TMEM132D: variants seen among roughly 807,000 people sequenced by gnomAD.
The protein encoded by TMEM132D is transmembrane protein 132D, also known as mature OL transmembrane protein.
A neutral mutation model predicts 62.3 loss-of-function variants in TMEM132D; 21 were observed. The ratio of observed to expected loss-of-function variants is 0.34; its 90% confidence interval spans 0.24 to 0.49. TMEM132D has a LOEUF of 0.49. TMEM132D is among the 20% of genes least tolerant of loss of function. The pLI is 0.99. For synonymous variants in TMEM132D, 621 were observed against 575.6 expected, an observed-to-expected ratio of 1.08 and a Z score of -1.13; for missense variants, 1,346 against 1,402.8, an observed-to-expected ratio of 0.96 and a Z score of 0.65.
intron 2 of TMEM132D, among the ~76,000 whole-genome samples, chr12:129,658,996 G>A (rs780745442): frequency 1.3e-4 from 20 of 152,138 alleles, no homozygotes; most frequent in Admixed American, 7.9e-4. Flanking sequence ...CAACTCCCGG[G>A]ATCAAGGGAT....
intron 1 of TMEM132D, among the ~76,000 whole-genome samples, chr12:129,727,790 G>C (rs1869090289): frequency 6.6e-6 from 1 of 152,012 alleles, no homozygotes; most frequent in African/African-American, 2.4e-5. Context: ...GGAAGAAAAT[G>C]TGAAATAGCA....
chr12:129,397,188 A>T (rs1168723707), intron 3 of TMEM132D, among the ~76,000 whole-genome samples: 1 of 152,190 alleles, frequency 6.6e-6, no homozygotes, highest in Non-Finnish European at 1.5e-5. Flanking sequence ...CCTCTCTCAG[A>T]ACATCTCAAC....
At chr12:129,725,231 G>A (rs1489803858) in intron 1 of TMEM132D, among the ~76,000 whole-genome samples, 2 of 152,194 alleles carry the variant, frequency 1.3e-5, no homozygotes, top group African/African-American at 2.4e-5. Flanking sequence ...GCTCATTGCA[G>A]TTAAAAAGTC....
chr12:129,404,524 A>C (rs1461925364), intron 3 of TMEM132D, among the ~76,000 whole-genome samples: 1 of 152,194 alleles, frequency 6.6e-6, no homozygotes, highest in African/African-American at 2.4e-5. Context: ...AAAGAAAAGA[A>C]AAAGGTTTAA....
chr12:129,817,736 GGTGT>G (rs1046436132), intron 1 of TMEM132D, among the ~76,000 whole-genome samples: 1 of 146,490 alleles, frequency 6.8e-6, no homozygotes. Flanking sequence ...TGTGGTGTAA[GGTGT>G]GTGTGTGGTG....
chr12:129,660,540 G>T (rs140092479), intron 2 of TMEM132D, among the ~76,000 whole-genome samples: 1 of 152,064 alleles, frequency 6.6e-6, no homozygotes, highest in African/African-American at 2.4e-5. Flanking sequence ...CCCTTTATGC[G>T]CAGTCTGTCT....
At chr12:129,291,140 A>G (rs1018026916) in intron 4 of TMEM132D, among the ~76,000 whole-genome samples, 1 of 151,922 alleles carries the variant, frequency 6.6e-6, no homozygotes, top group Non-Finnish European at 1.5e-5. Context: ...TTAACTATAA[A>G]CTCCCCATCA....
intron 3 of TMEM132D, among the ~76,000 whole-genome samples, chr12:129,495,408 C>T (rs945819936): frequency 6.6e-6 from 1 of 152,150 alleles, no homozygotes. Flanking sequence ...GATCGGTCCT[C>T]AAGCACCTCT....
chr12:129,502,369 T>C (rs750555079), intron 3 of TMEM132D, among the ~76,000 whole-genome samples: 6 of 152,156 alleles, frequency 3.9e-5, no homozygotes, highest in Non-Finnish European at 8.8e-5. Context: ...CATCAGACAA[T>C]AGCTTCTCAA....
intron 2 of TMEM132D, among the ~76,000 whole-genome samples, chr12:129,684,773 T>C (rs1880866198): frequency 6.6e-6 from 1 of 151,980 alleles, no homozygotes; most frequent in South Asian, 2.1e-4. Flanking sequence ...ATGCTGACAG[T>C]GATATGGACA....
Position 129,104,007 on chromosome 12 carries a change from C to A in TMEM132D, c.1444-19305G>T, listed in dbSNP as rs532914532. Among the ~76,000 whole-genome samples, 1,479 of 152,118 alleles carry A rather than the reference C, an allele frequency of 9.7e-3. 33 individuals are homozygous for A. Among genetic ancestry groups the A allele is most frequent in the African/African-American group, 0.033 (1,362 of 41,466 alleles). On this transcript the variant is annotated intron_variant, in intron 5 of 8. Coordinates refer to ENST00000422113, the MANE Select transcript of TMEM132D (RefSeq NM_133448.3). Reference sequence around the variant, plus strand: ...ATTCAATGCCATCCCCATCAAGCTACCAATGCCTTTCTTCACAGAATTGGA... The same window carrying A: ...ATTCAATGCCATCCCCATCAAGCTAACAATGCCTTTCTTCACAGAATTGGA...
At chr12:129,096,443 C>T (rs1875120144) in intron 5 of TMEM132D, among the ~76,000 whole-genome samples, 1 of 152,184 alleles carries the variant, frequency 6.6e-6, no homozygotes, top group Admixed American at 6.5e-5. Flanking sequence ...AACATTTCTG[C>T]CAACTCACCG....
chr12:129,185,061 C>T (rs769651636), intron 5 of TMEM132D, among the ~76,000 whole-genome samples: 4 of 152,142 alleles, frequency 2.6e-5, no homozygotes, highest in Non-Finnish European at 5.9e-5. Flanking sequence ...GCTGAACCTG[C>T]GCTGAACTTA....
At chr12:129,725,437 G>C (rs998794943) in intron 1 of TMEM132D, among the ~76,000 whole-genome samples, 20 of 152,182 alleles carry the variant, frequency 1.3e-4, no homozygotes, top group African/African-American at 4.8e-4. Context: ...GTCAATGCTG[G>C]TGATGCCACC....
intron 5 of TMEM132D, among the ~76,000 whole-genome samples, chr12:129,173,725 TG>T (rs1167115052): frequency 6.6e-6 from 1 of 152,230 alleles, no homozygotes; most frequent in Non-Finnish European, 1.5e-5. Context: ...TTAGCATTTA[TG>T]AACTGAGAGG....
chr12:129,256,856 C>T (rs572875047), intron 4 of TMEM132D, among the ~76,000 whole-genome samples: 2 of 152,310 alleles, frequency 1.3e-5, no homozygotes, highest in South Asian at 2.1e-4. Flanking sequence ...CCACCACGCC[C>T]GGCCTGTTTA....
intron 4 of TMEM132D, among the ~76,000 whole-genome samples, chr12:129,226,832 G>T (rs1267688307): frequency 2.0e-5 from 3 of 152,136 alleles, no homozygotes; most frequent in African/African-American, 7.2e-5. Context: ...GCAACGAGGT[G>T]AATGTTTTCC....
intron 3 of TMEM132D, among the ~76,000 whole-genome samples, chr12:129,389,995 A>AT (rs1358674853): frequency 6.6e-6 from 1 of 152,150 alleles, no homozygotes; most frequent in African/African-American, 2.4e-5. Flanking sequence ...GAGAGCTGTG[A>AT]TATGGCCGTT....
At chr12:129,246,322 A>G (rs945333562) in intron 4 of TMEM132D, among the ~76,000 whole-genome samples, 5 of 152,204 alleles carry the variant, frequency 3.3e-5, no homozygotes, top group Non-Finnish European at 7.3e-5. Context: ...AGGCGGAATG[A>G]CGCATGCTGG....
Sources: gnomAD v4.1 joint callset for allele counts (sites outside exome capture counted in the v4.1 genomes callset) on GRCh38, gnomAD v4.1.1 for gene constraint, MANE v1.5 for transcripts, NCBI Gene and HGNC (gene_info 2026-07-23, HGNC 2026-07-21) for gene names.